The following CDK14 variants were observed in gnomAD, a reference collection of about 807,000 sequenced individuals.
CDK14 encodes the protein cyclin-dependent kinase 14.
CDK14 carries 34 observed loss-of-function variants against 60.7 expected under a neutral mutation model. The observed-to-expected ratio is 0.56, with a 90% CI of 0.43 to 0.75. CDK14 has a LOEUF of 0.75. CDK14 is among the 30% of genes least tolerant of loss of function. CDK14 has a pLI of 0.00. For missense variants in CDK14, 482 were observed against 564.1 expected (o/e 0.85, Z 1.47); for synonymous variants, 197 against 203.7 (o/e 0.97, Z 0.28).
intron 14 of CDK14, among the ~76,000 whole-genome samples, chr7:91,199,589 G>A (rs981356229): frequency 6.6e-6 from 1 of 152,076 alleles, no homozygotes; most frequent in African/African-American, 2.4e-5. Flanking sequence ...TCTTTAATGA[G>A]GATTTCAATA....
intron 2 of CDK14, among the ~76,000 whole-genome samples, chr7:90,717,939 A>G (rs942744287): frequency 6.6e-6 from 1 of 151,866 alleles, no homozygotes; most frequent in African/African-American, 2.4e-5. Flanking sequence ...AGCTCCCCCC[A>G]CCCCACCAAA....
chr7:91,034,303 C>T (rs1378444378), intron 10 of CDK14, among the ~76,000 whole-genome samples: 1 of 152,102 alleles, frequency 6.6e-6, no homozygotes, highest in Non-Finnish European at 1.5e-5. Flanking sequence ...TCTTGCTGCA[C>T]CTTGGACCAG....
chr7:90,668,187 GTCTGT>G (rs1358093593), intron 2 of CDK14, among the ~76,000 whole-genome samples: 3 of 152,072 alleles, frequency 2.0e-5, no homozygotes, highest in Non-Finnish European at 4.4e-5. Context: ...AATACCTGTT[GTCTGT>G]TTGATTTTGG....
chr7:91,004,896 G>T (rs1034250954), intron 10 of CDK14, among the ~76,000 whole-genome samples: 2 of 152,136 alleles, frequency 1.3e-5, no homozygotes, highest in Non-Finnish European at 2.9e-5. Flanking sequence ...GCTACTAAAA[G>T]GATATAAAAG....
chr7:91,153,846 A>G (rs1017494010), intron 14 of CDK14, among the ~76,000 whole-genome samples: 9 of 152,304 alleles, frequency 5.9e-5, no homozygotes, highest in Middle Eastern at 3.4e-3. Flanking sequence ...GAGCTTACCT[A>G]TGTAACAAAC....
intron 10 of CDK14, among the ~76,000 whole-genome samples, chr7:91,031,102 T>C (rs1461226846): frequency 6.6e-6 from 1 of 152,214 alleles, no homozygotes; most frequent in Non-Finnish European, 1.5e-5. Context: ...AACCACCATG[T>C]AGAGAATTGT....
intron 11 of CDK14, among the ~76,000 whole-genome samples, chr7:91,052,379 T>TA (rs1478272541): frequency 5.9e-5 from 9 of 152,246 alleles, no homozygotes; most frequent in African/African-American, 1.9e-4. Flanking sequence ...GAATGTGTAT[T>TA]ACAATTTCTC....
chr7:90,873,865 C>A (rs948291476), intron 6 of CDK14, among the ~76,000 whole-genome samples: 15 of 152,048 alleles, frequency 9.9e-5, no homozygotes, highest in Non-Finnish European at 7.4e-5. Context: ...AACGTACTCA[C>A]CTTTTCCTGC....
intron 2 of CDK14, among the ~76,000 whole-genome samples, chr7:90,646,960 A>G (rs1800483503): frequency 6.6e-6 from 1 of 152,180 alleles, no homozygotes; most frequent in African/African-American, 2.4e-5. Context: ...GAACTGACTC[A>G]CACCCTCATC....
chr7:91,042,431 T>A (rs762449190), intron 10 of CDK14, among the ~76,000 whole-genome samples: 5 of 152,118 alleles, frequency 3.3e-5, no homozygotes, highest in Non-Finnish European at 4.4e-5. Flanking sequence ...TTTGTTTTGT[T>A]GAAGGCCATT....
intron 11 of CDK14, among the ~76,000 whole-genome samples, chr7:91,062,177 A>T (rs1453711525): frequency 6.6e-6 from 1 of 152,082 alleles, no homozygotes; most frequent in Non-Finnish European, 1.5e-5. Context: ...CCGAGGCTCC[A>T]TGGGCTTAGG....
At chr7:91,138,208 G>A (rs2115592188) in intron 14 of CDK14, among the ~76,000 whole-genome samples, 1 of 152,270 alleles carries the variant, frequency 6.6e-6, no homozygotes. Context: ...GGATATAATT[G>A]CTGCAATTCT....
chr7:90,959,909 G>T (rs1475617479), intron 9 of CDK14, among the ~76,000 whole-genome samples: 3 of 152,124 alleles, frequency 2.0e-5, no homozygotes, highest in East Asian at 1.9e-4. Flanking sequence ...TTAAGCAGAG[G>T]AATCAAATTG....
intron 6 of CDK14, among the ~76,000 whole-genome samples, chr7:90,866,549 T>C (rs1029533268): frequency 3.3e-5 from 5 of 152,154 alleles, no homozygotes; most frequent in African/African-American, 1.2e-4. Flanking sequence ...TACTATTGTA[T>C]TTTTCCTTTT....
intron 5 of CDK14, 94 bp from the exon 6 acceptor site, chr7:90,863,081 A>C (rs767144240): frequency 2.8e-4 from 165 of 585,412 alleles, no homozygotes; most frequent in Non-Finnish European, 3.3e-5. Flanking sequence ...GAAAATAGAT[A>C]TCTCTCATCT....
At chr7:90,637,090 T>G (rs17868485) in intron 2 of CDK14, among the ~76,000 whole-genome samples, 1 of 152,210 alleles carries the variant, frequency 6.6e-6, no homozygotes. Flanking sequence ...AACCAGCTTC[T>G]GGATTCATTA....
intron 5 of CDK14, among the ~76,000 whole-genome samples, chr7:90,854,754 C>T (rs1790766312): frequency 6.6e-6 from 1 of 151,682 alleles, no homozygotes; most frequent in African/African-American, 2.4e-5. Context: ...AGCAAACTGC[C>T]TAACGGCTTT....
intron 2 of CDK14, among the ~76,000 whole-genome samples, chr7:90,612,771 C>CAAAAAA (rs531162992): frequency 1.1e-5 from 1 of 91,744 alleles, no homozygotes; most frequent in Non-Finnish European, 2.1e-5. Flanking sequence ...GACTCTGTCT[C>CAAAAAA]AAAAAAAAAA....
intron 5 of CDK14, among the ~76,000 whole-genome samples, chr7:90,822,186 C>T (rs1001600039): frequency 6.6e-6 from 1 of 152,196 alleles, no homozygotes; most frequent in Admixed American, 6.5e-5. Flanking sequence ...ATGCTAGGCT[C>T]ATAGTAGTGA....
Sources: allele counts gnomAD v4.1 joint callset (sites outside exome capture counted in the v4.1 genomes callset), GRCh38; gene constraint gnomAD v4.1.1; transcripts MANE v1.5; gene names NCBI Gene and HGNC (gene_info 2026-07-23, HGNC 2026-07-21).